SAMMSON: variants seen among roughly 807,000 people sequenced by gnomAD.
SAMMSON encodes the protein survival associated mitochondrial melanoma specific oncogenic non-coding RNA, also known as long intergenic non-protein coding RNA 1212.
At chr3:70,121,739 T>G (rs1222236636) in intron 4 of SAMMSON, among the ~76,000 whole-genome samples, 1 of 152,180 alleles carries the variant, frequency 6.6e-6, no homozygotes, top group Non-Finnish European at 1.5e-5. Flanking sequence ...CTGGTGCTGG[T>G]GCTGCCTTAG....
intron 4 of SAMMSON, among the ~76,000 whole-genome samples, chr3:70,224,832 C>T (rs7650154): frequency 6.6e-6 from 1 of 151,920 alleles, no homozygotes; most frequent in Admixed American, 6.6e-5. Flanking sequence ...TTTCCCCCCC[C>T]ACACCTCACC....
At chr3:70,227,985 AAAT>A (rs1701524851) in intron 4 of SAMMSON, among the ~76,000 whole-genome samples, 1 of 151,492 alleles carries the variant, frequency 6.6e-6, no homozygotes, top group African/African-American at 2.4e-5. Flanking sequence ...ATAATATAAT[AAAT>A]AATATTGATA....
chr3:70,020,768 C>T (rs1299910319), intron 3 of SAMMSON, among the ~76,000 whole-genome samples: 1 of 152,134 alleles, frequency 6.6e-6, no homozygotes, highest in Non-Finnish European at 1.5e-5. Flanking sequence ...GCGCCTTTTA[C>T]AATTCAGGCA....
intron 4 of SAMMSON, among the ~76,000 whole-genome samples, chr3:70,203,274 A>G (rs948798728): frequency 2.0e-5 from 3 of 152,142 alleles, no homozygotes; most frequent in African/African-American, 7.2e-5. Flanking sequence ...GAGATTCATG[A>G]CACAATGAAT....
chr3:70,046,847 T>C (rs2067128570), intron 3 of SAMMSON, among the ~76,000 whole-genome samples: 2 of 152,102 alleles, frequency 1.3e-5, no homozygotes, highest in African/African-American at 4.8e-5. Context: ...CCTTCCTTTA[T>C]CCTCAAAGTC....
At chr3:70,200,626 G>A (rs1701227832) in intron 4 of SAMMSON, among the ~76,000 whole-genome samples, 1 of 152,016 alleles carries the variant, frequency 6.6e-6, no homozygotes, top group Non-Finnish European at 1.5e-5. Context: ...TTTCTTCATA[G>A]CACTGACCAT....
intron 9 of SAMMSON, among the ~76,000 whole-genome samples, chr3:70,380,196 T>G (rs1403933002): frequency 6.6e-6 from 1 of 152,116 alleles, no homozygotes; most frequent in East Asian, 1.9e-4. Flanking sequence ...GGTCAAAAAT[T>G]TAAGAACCAC....
intron 4 of SAMMSON, among the ~76,000 whole-genome samples, chr3:70,246,590 C>G (rs1433143608): frequency 6.6e-6 from 1 of 151,936 alleles, no homozygotes. Context: ...AAGGATGTTC[C>G]ATGAAATACG....
At chr3:70,126,068 C>T in intron 4 of SAMMSON, 1 of 1,135,896 alleles carries the variant, frequency 8.8e-7, no homozygotes, top group Non-Finnish European at 1.3e-6. Flanking sequence ...AGGACCTGTA[C>T]ATAGAACTTA....
chr3:70,301,045 T>C (rs1352773028), intron 7 of SAMMSON, among the ~76,000 whole-genome samples: 2 of 152,142 alleles, frequency 1.3e-5, no homozygotes, highest in Non-Finnish European at 2.9e-5. Context: ...CTTTATGTTA[T>C]AGTTTTTCCT....
intron 6 of SAMMSON, among the ~76,000 whole-genome samples, chr3:70,281,095 T>C (rs549176503): frequency 4.2e-4 from 64 of 152,324 alleles, no homozygotes; most frequent in African/African-American, 1.5e-3. Context: ...TTTTCTCCTG[T>C]TAATCAGCCT....
At chr3:70,028,499 G>T (rs557610191) in intron 3 of SAMMSON, among the ~76,000 whole-genome samples, 34 of 152,222 alleles carry the variant, frequency 2.2e-4, no homozygotes, top group Middle Eastern at 6.8e-3. Flanking sequence ...TGGGTAGGTG[G>T]CAAATTCCTG....
intron 9 of SAMMSON, among the ~76,000 whole-genome samples, chr3:70,386,072 T>C (rs968460560): frequency 5.9e-5 from 9 of 152,148 alleles, no homozygotes; most frequent in Admixed American, 5.9e-4. Flanking sequence ...CACTGGCTGC[T>C]TGCCTCCATG....
chr3:70,226,341 G>GCA (rs1225570446), intron 4 of SAMMSON, among the ~76,000 whole-genome samples: 2 of 152,104 alleles, frequency 1.3e-5, no homozygotes, highest in Non-Finnish European at 2.9e-5. Context: ...TATAACAGAG[G>GCA]CACACACACA....
At chr3:70,053,742 T>C (rs535078332) in intron 3 of SAMMSON, among the ~76,000 whole-genome samples, 1 of 152,282 alleles carries the variant, frequency 6.6e-6, no homozygotes, top group South Asian at 2.1e-4. Flanking sequence ...GGTCTTTCTT[T>C]TTTTCACTGG....
At chr3:70,018,653 A>G (rs1357491706) in intron 3 of SAMMSON, among the ~76,000 whole-genome samples, 2 of 151,850 alleles carry the variant, frequency 1.3e-5, no homozygotes. Context: ...TTGCTTCTCT[A>G]GTTGTTTTAA....
At chr3:70,356,795 T>C (rs1247044364) in intron 8 of SAMMSON, among the ~76,000 whole-genome samples, 1 of 152,124 alleles carries the variant, frequency 6.6e-6, no homozygotes, top group Admixed American at 6.6e-5. Flanking sequence ...TAATTTGCTG[T>C]GGGCTGGGAA....
At position 70,173,276 on chromosome 3, in the gene SAMMSON, C is replaced by G. The variant is rs139891668; in HGVS notation, n.508-75831C>G. Among the ~76,000 whole-genome samples the G allele has an allele frequency of 3.4e-3, 512 of 152,038 alleles. 1 individual carries two copies. The highest frequency in any genetic ancestry group is 0.011 in the African/African-American group (477 of 41,526). ...CAGACTATTTTACCTTTAAAGTAGT[C>G]TCTGTTCTGTTTGTCACAGGACCCG... On this transcript the variant is annotated intron_variant and non_coding_transcript_variant, in intron 4 of 9. Transcript: ENST00000642114.
chr3:70,185,041 G>C (rs1293175279), intron 4 of SAMMSON, among the ~76,000 whole-genome samples: 1 of 152,190 alleles, frequency 6.6e-6, no homozygotes, highest in Admixed American at 6.5e-5. Context: ...GTAGCTTGCA[G>C]AGAAACTTAC....
Sources: gnomAD v4.1 joint callset for allele counts (sites outside exome capture counted in the v4.1 genomes callset) on GRCh38, gnomAD v4.1.1 for gene constraint, MANE v1.5 for transcripts, NCBI Gene and HGNC (gene_info 2026-07-23, HGNC 2026-07-21) for gene names.